ELAVL4: variants seen among roughly 807,000 people sequenced by gnomAD.
ELAVL4 encodes the protein ELAV-like protein 4.
In ELAVL4, 1 loss-of-function variant was observed where a neutral mutation model predicts 35.6. The ratio of observed to expected loss-of-function variants is 0.03; its 90% CI spans 0.01 to 0.13. The LOEUF is 0.13. Ranked by LOEUF, ELAVL4 falls within the 10% of genes least tolerant of loss-of-function variation. The pLI, the probability that ELAVL4 is intolerant of heterozygous loss-of-function variation, is 1.00. For synonymous variants in ELAVL4, 156 were observed against 171.0 expected (o/e 0.91, Z 0.69); for missense variants, 267 against 464.9 (o/e 0.57, Z 3.91).
intron 1 of ELAVL4, among the ~76,000 whole-genome samples, chr1:50,055,234 A>C (rs1158437316): frequency 6.6e-6 from 1 of 151,808 alleles, no homozygotes; most frequent in African/African-American, 2.4e-5. Flanking sequence ...AGGGACTTAA[A>C]TCCTGGTTTT....
At chr1:50,141,082 G>A (rs944602114) in intron 1 of ELAVL4, among the ~76,000 whole-genome samples, 1 of 152,186 alleles carries the variant, frequency 6.6e-6, no homozygotes, top group Non-Finnish European at 1.5e-5. Flanking sequence ...AGGCCTTCCT[G>A]GAGGAGGTGG....
At chr1:50,098,340 A>G (rs1188592141) in intron 1 of ELAVL4, among the ~76,000 whole-genome samples, 2 of 152,256 alleles carry the variant, frequency 1.3e-5, no homozygotes, top group East Asian at 1.9e-4. Flanking sequence ...ATAATGACCT[A>G]GGATTAATGA....
At chr1:50,181,903 G>A (rs368877867) in intron 3 of ELAVL4, among the ~76,000 whole-genome samples, 1 of 152,140 alleles carries the variant, frequency 6.6e-6, no homozygotes, top group African/African-American at 2.4e-5. Context: ...GTCTGGTTGC[G>A]AACTCCTGAC....
rs552285383 is a variant in ELAVL4, at chr1:50,158,833, G to A, written c.250+13636G>A. Among the ~76,000 whole-genome samples the A allele has an allele frequency of 1.9e-3, 288 of 152,256 alleles. 3 individuals carry two copies. In the South Asian group the frequency reaches 0.025, roughly 13 times the overall value. ...AGGCGGGTGGATCACGAGGTCAGGA[G>A]TTTAAGACCAGCCTGGCCAAAATGG... On this transcript the variant is annotated intron_variant, in intron 2 of 6. Coordinates refer to ENST00000371824, the MANE Select transcript of ELAVL4 (RefSeq NM_001144774.3).
chr1:50,186,661 AACTGTG>A (rs1259177986), intron 3 of ELAVL4, among the ~76,000 whole-genome samples: 1 of 152,198 alleles, frequency 6.6e-6, no homozygotes, highest in Non-Finnish European at 1.5e-5. Flanking sequence ...ATATTCAGAA[AACTGTG>A]ACATGTTTTT....
chr1:50,082,428 C>T (rs187138292), intron 1 of ELAVL4, among the ~76,000 whole-genome samples: 1 of 152,284 alleles, frequency 6.6e-6, no homozygotes, highest in East Asian at 1.9e-4. Context: ...CTCTAATGAC[C>T]AGTGATGCCT....
At chr1:50,060,811 T>C (rs1056280435) in intron 1 of ELAVL4, among the ~76,000 whole-genome samples, 3 of 152,206 alleles carry the variant, frequency 2.0e-5, no homozygotes, top group Non-Finnish European at 4.4e-5. Context: ...TCTTTGTCCA[T>C]TGTGGCTGGA....
intron 2 of ELAVL4, among the ~76,000 whole-genome samples, chr1:50,170,566 A>T (rs1678820637): frequency 6.6e-6 from 1 of 152,138 alleles, no homozygotes; most frequent in Non-Finnish European, 1.5e-5. Flanking sequence ...TTCTCATCAT[A>T]CTTTAAACCA....
intron 2 of ELAVL4, among the ~76,000 whole-genome samples, chr1:50,148,088 T>A (rs1241828371): frequency 1.3e-5 from 2 of 152,224 alleles, no homozygotes; most frequent in Non-Finnish European, 2.9e-5. Context: ...CTGTGCTGGA[T>A]ACTTGCTAAG....
At chr1:50,132,775 C>A (rs1014914492) in intron 1 of ELAVL4, among the ~76,000 whole-genome samples, 1 of 152,100 alleles carries the variant, frequency 6.6e-6, no homozygotes, top group Non-Finnish European at 1.5e-5. Context: ...TTGACATTTT[C>A]TTTCTTTTTT....
At chr1:50,187,932 C>T (rs1465366305) in intron 3 of ELAVL4, among the ~76,000 whole-genome samples, 1 of 152,014 alleles carries the variant, frequency 6.6e-6, no homozygotes, top group African/African-American at 2.4e-5. Flanking sequence ...CCCTTCTCTA[C>T]TAAAAATATA....
In ELAVL4 at chr1:50,109,003, T is replaced by C. The variant is rs1300089765; in HGVS notation, c.-187T>C. On this transcript the variant is annotated 5_prime_UTR_variant, in exon 1 of 7. Coordinates refer to ENST00000371824, the MANE Select transcript of ELAVL4 (RefSeq NM_001144774.3). ...TTTCAGCTCACTGCTCCTTTTCTTT[T>C]TTTTCTTTCTCTCCCCCGCCCACCC... 9.2e-7 allele frequency: 1 copy of C among 1,092,470 alleles called. No individual in the cohort carries two copies. The highest frequency in any genetic ancestry group is 1.1e-6 in the Non-Finnish European group (1 of 894,336). The allele number at this position is 1,092,470 out of a possible 1,614,324, so 67.7% of individuals were successfully genotyped here.
At chr1:50,192,563 A>ACACTCT (rs766597516) in intron 3 of ELAVL4, among the ~76,000 whole-genome samples, 1 of 144,438 alleles carries the variant, frequency 6.9e-6, no homozygotes. Context: ...ACACACACAC[A>ACACTCT]CTCTCACCCC....
At chr1:50,055,453 C>A (rs569732650) in intron 1 of ELAVL4, among the ~76,000 whole-genome samples, 1 of 152,000 alleles carries the variant, frequency 6.6e-6, no homozygotes, top group Non-Finnish European at 1.5e-5. Flanking sequence ...GCGCCCGCCA[C>A]CACACCCAGC....
chr1:50,120,742 G>T (rs1668891016), intron 1 of ELAVL4, among the ~76,000 whole-genome samples: 1 of 151,968 alleles, frequency 6.6e-6, no homozygotes, highest in Non-Finnish European at 1.5e-5. Context: ...ACTGCTTTTA[G>T]GGTTATAGTG....
intron 1 of ELAVL4, among the ~76,000 whole-genome samples, chr1:50,091,688 T>A (rs1346367141): frequency 6.6e-6 from 1 of 152,196 alleles, no homozygotes; most frequent in Non-Finnish European, 1.5e-5. Flanking sequence ...ATTAAAAATA[T>A]CTCCAAGTAA....
chr1:50,070,647 A>G (rs991473450), intron 1 of ELAVL4, among the ~76,000 whole-genome samples: 2 of 149,754 alleles, frequency 1.3e-5, no homozygotes, highest in Non-Finnish European at 3.0e-5. Context: ...AGGGTGAGCC[A>G]GGAGAATCGC....
intron 1 of ELAVL4, 46 bp downstream of exon 1, chr1:50,109,244 G>A: frequency 6.3e-7 from 1 of 1,598,612 alleles, no homozygotes; most frequent in Middle Eastern, 1.7e-4. Context: ...TTGCTGGAGG[G>A]AAGAAAAGCA....
chr1:50,078,311 G>T (rs1664858809), intron 1 of ELAVL4, among the ~76,000 whole-genome samples: 1 of 152,062 alleles, frequency 6.6e-6, no homozygotes, highest in South Asian at 2.1e-4. Context: ...TGGGGGAAGT[G>T]AGTGGAGAAC....
Sources: gnomAD v4.1 joint callset for allele counts (sites outside exome capture counted in the v4.1 genomes callset) on GRCh38, gnomAD v4.1.1 for gene constraint, MANE v1.5 for transcripts, NCBI Gene and HGNC (gene_info 2026-07-23, HGNC 2026-07-21) for gene names.